Variants in MACROD2 observed in about 807,000 individuals in gnomAD.
The protein encoded by MACROD2 is ADP-ribose glycohydrolase MACROD2.
MACROD2 carries 36 observed loss-of-function variants against 70.4 expected under a neutral mutation model. The observed-to-expected ratio is 0.51, with a 90% CI of 0.39 to 0.68. MACROD2 has a LOEUF of 0.68. MACROD2 is among the 30% of genes least tolerant of loss of function. The probability of loss-of-function intolerance (pLI) is 0.00; values close to 1 mark genes in which losing one functional copy is unlikely to be tolerated. For synonymous variants in MACROD2, 172 were observed against 178.8 expected, an observed-to-expected ratio of 0.96 and a Z score of 0.30; for missense variants, 496 against 538.4, an observed-to-expected ratio of 0.92 and a Z score of 0.78.
At chr20:14,303,126 T>C (rs1417351931) in intron 3 of MACROD2, among the ~76,000 whole-genome samples, 1 of 152,140 alleles carries the variant, frequency 6.6e-6, no homozygotes, top group African/African-American at 2.4e-5. Context: ...AGGCAGAACA[T>C]GTTGAGAATG....
chr20:14,681,798 G>A lies in MACROD2; in HGVS notation c.302-3045G>A, dbSNP rs554498996. Among the ~76,000 whole-genome samples the A allele has an allele frequency of 3.9e-5, 6 of 152,232 alleles. No homozygotes were observed. The East Asian group carries it at 7.7e-4, about 20-fold the overall frequency. On this transcript the variant is annotated intron_variant, in intron 4 of 17. Transcript: ENST00000684519. ...TAAAAGTAATGTAATAGAGTGCTTC[G>A]ATATGCCACATGCAGGAATTGAGAA... is the stretch of plus-strand genomic sequence containing the variant.
At chr20:15,041,598 A>G (rs1222578318) in intron 5 of MACROD2, among the ~76,000 whole-genome samples, 1 of 151,622 alleles carries the variant, frequency 6.6e-6, no homozygotes, top group Non-Finnish European at 1.5e-5. Flanking sequence ...CACCCATCAC[A>G]CCCATCTAAA....
At chr20:15,834,265 A>C (rs1173268474) in intron 8 of MACROD2, among the ~76,000 whole-genome samples, 1 of 152,136 alleles carries the variant, frequency 6.6e-6, no homozygotes, top group African/African-American at 2.4e-5. Context: ...CCTCGAACCC[A>C]GGAGGCAGAG....
intron 5 of MACROD2, among the ~76,000 whole-genome samples, chr20:15,155,037 T>A (rs887017804): frequency 2.6e-5 from 4 of 151,832 alleles, no homozygotes; most frequent in South Asian, 2.1e-4. Flanking sequence ...TTCTTCAATT[T>A]AAAAAAAATG....
chr20:16,049,268 T>C lies in MACROD2; in HGVS notation c.1301-562T>C, dbSNP rs79613823. 7.0e-3 allele frequency among the ~76,000 whole-genome samples: 1,063 copies of C among 152,182 alleles called. 12 individuals are homozygous for C. Among genetic ancestry groups the C allele is most frequent in the African/African-American group, 0.024 (993 of 41,510 alleles). On this transcript the variant is annotated intron_variant, in intron 17 of 17. Coordinates refer to ENST00000684519, the MANE Select transcript of MACROD2 (RefSeq NM_001351661.2). ...GATTGAAATGTATGCTTAAGATCTGTGTGTTTTCCTGTAGGCAGATTATAC... is the reference window on the plus strand; with the variant it reads ...GATTGAAATGTATGCTTAAGATCTGCGTGTTTTCCTGTAGGCAGATTATAC...
intron 8 of MACROD2, among the ~76,000 whole-genome samples, chr20:15,564,481 T>C (rs1252581988): frequency 6.6e-6 from 1 of 152,218 alleles, no homozygotes; most frequent in Non-Finnish European, 1.5e-5. Context: ...CTTTGGATCT[T>C]TTTTATTGTA....
At chr20:14,442,614 G>A (rs1348575893) in intron 3 of MACROD2, among the ~76,000 whole-genome samples, 2 of 152,008 alleles carry the variant, frequency 1.3e-5, no homozygotes, top group Non-Finnish European at 2.9e-5. Context: ...AATGCCAGCT[G>A]CCTTCACACT....
At chr20:14,793,714 G>GA (rs2072477649) in intron 5 of MACROD2, among the ~76,000 whole-genome samples, 1 of 152,028 alleles carries the variant, frequency 6.6e-6, no homozygotes, top group African/African-American at 2.4e-5. Flanking sequence ...AACTTAGGCT[G>GA]AGACCTCCAC....
At chr20:15,142,342 A>T (rs531978519) in intron 5 of MACROD2, among the ~76,000 whole-genome samples, 1 of 152,198 alleles carries the variant, frequency 6.6e-6, no homozygotes, top group Non-Finnish European at 1.5e-5. Flanking sequence ...AGTATTTCTC[A>T]AAGTAAAGCC....
chr20:15,135,806 C>G (rs74412107), intron 5 of MACROD2, among the ~76,000 whole-genome samples: 19,686 of 141,966 alleles, frequency 0.14, 1,434 homozygotes, highest in East Asian at 0.38. Context: ...GATTGTATAT[C>G]TAGAAAACCC....
chr20:14,590,862 T>C (rs1005523722), intron 4 of MACROD2, among the ~76,000 whole-genome samples: 2 of 152,158 alleles, frequency 1.3e-5, no homozygotes, highest in African/African-American at 4.8e-5. Flanking sequence ...AAGTTTCAGG[T>C]AAATGGTGGA....
In MACROD2 at chr20:16,048,801, T is replaced by C. The variant is rs568781155; in HGVS notation, c.1301-1029T>C. Among the ~76,000 whole-genome samples the C allele has an allele frequency of 3.9e-3, 598 of 152,322 alleles. 4 individuals carry two copies. Among genetic ancestry groups the C allele is most frequent in the Admixed American group, 5.6e-3 (85 of 15,298 alleles). On this transcript the variant is annotated intron_variant, in intron 17 of 17. Transcript: ENST00000684519. ...TCCATCCTATGGCCCCACAATTCTG[T>C]TCCCGAGTATTTGAGAGAAATGAAA...
At chr20:14,342,027 C>G (rs564158439) in intron 3 of MACROD2, among the ~76,000 whole-genome samples, 1 of 152,090 alleles carries the variant, frequency 6.6e-6, no homozygotes, top group Non-Finnish European at 1.5e-5. Flanking sequence ...CTCCAAAAGC[C>G]CCTGCACGGA....
rs78320924 is a variant in MACROD2, at chr20:15,636,805, G to A, written c.645+136958G>A. Among the ~76,000 whole-genome samples the A allele has an allele frequency of 5.9e-5, 9 of 152,226 alleles. No homozygotes were observed. The East Asian group carries it at 1.7e-3, about 29-fold the overall frequency. On this transcript the variant is annotated intron_variant, in intron 8 of 17. Transcript: ENST00000684519. Reference sequence around the variant, plus strand: ...GATGCACAAGTGAGAGAAGGGGGATGTTTTGCCTGAGAAGGTATGACTCTG... The same window carrying A: ...GATGCACAAGTGAGAGAAGGGGGATATTTTGCCTGAGAAGGTATGACTCTG...
At chr20:14,261,639 T>C (rs759084925) in intron 3 of MACROD2, among the ~76,000 whole-genome samples, 1 of 152,230 alleles carries the variant, frequency 6.6e-6, no homozygotes, top group Non-Finnish European at 1.5e-5. Context: ...AAGATGTGTG[T>C]ATGTTGAATG....
intron 6 of MACROD2, among the ~76,000 whole-genome samples, chr20:15,397,204 C>T (rs1011844060): frequency 2.0e-5 from 3 of 152,186 alleles, no homozygotes; most frequent in Non-Finnish European, 4.4e-5. Context: ...CACAATTATA[C>T]AAAACATACC....
At chr20:15,088,396 TTTATATATATATATATATA>T (rs2075764816) in intron 5 of MACROD2, among the ~76,000 whole-genome samples, 1 of 99,544 alleles carries the variant, frequency 1.0e-5, no homozygotes, top group African/African-American at 4.3e-5. Flanking sequence ...TATACTATAT[TTTATATATATATATATATA>T]TATATATATA....
rs193139057 is a variant in MACROD2, at chr20:15,547,742, T to G, written c.645+47895T>G. 2.6e-5 allele frequency among the ~76,000 whole-genome samples: 4 copies of G among 152,308 alleles called. No homozygotes were observed. The East Asian group carries it at 7.7e-4, about 29-fold the overall frequency. On this transcript the variant is annotated intron_variant, in intron 8 of 17. Transcript: ENST00000684519. ...AGGATGATTTGTCTCCTGCCATAAG[T>G]GGACATGGTGCCACTGAGCATGTAG...
At chr20:14,587,667 A>T (rs1378974916) in intron 4 of MACROD2, among the ~76,000 whole-genome samples, 1 of 151,944 alleles carries the variant, frequency 6.6e-6, no homozygotes, top group African/African-American at 2.4e-5. Context: ...TAATATACAC[A>T]CATTCCTTCA....
Sources: allele counts gnomAD v4.1 joint callset (sites outside exome capture counted in the v4.1 genomes callset), GRCh38; gene constraint gnomAD v4.1.1; transcripts MANE v1.5; gene names NCBI Gene and HGNC (gene_info 2026-07-23, HGNC 2026-07-21).